KIAA1217: variants seen among roughly 807,000 people sequenced by gnomAD.
KIAA1217 encodes sickle tail protein homolog.
KIAA1217 carries 88 observed loss-of-function variants against 163.9 expected under a neutral mutation model. That is an observed-to-expected ratio of 0.54 (90% confidence interval 0.45 to 0.64). The LOEUF is 0.64. KIAA1217 is among the 30% of genes least tolerant of loss of function. The pLI is 0.00. For missense variants in KIAA1217, 2,372 were observed against 2,475.0 expected (o/e 0.96, Z 0.88); for synonymous variants, 903 against 923.1 (o/e 0.98, Z 0.39).
At chr10:24,299,407 G>A (rs1320556285) in intron 2 of KIAA1217, among the ~76,000 whole-genome samples, 2 of 152,170 alleles carry the variant, frequency 1.3e-5, no homozygotes, top group South Asian at 4.2e-4. Flanking sequence ...CCTTTGATAT[G>A]TGAGTTTTTT....
chr10:23,890,600 T>C (rs1299468562), intron 1 of KIAA1217, among the ~76,000 whole-genome samples: 1 of 151,960 alleles, frequency 6.6e-6, no homozygotes, highest in East Asian at 1.9e-4. Flanking sequence ...TTTACTATGA[T>C]AAGCTCACAT....
intron 1 of KIAA1217, among the ~76,000 whole-genome samples, chr10:23,862,834 T>C (rs572590765): frequency 1.3e-4 from 20 of 152,120 alleles, no homozygotes; most frequent in African/African-American, 4.1e-4. Flanking sequence ...TCTAACTGCT[T>C]TTCTGTTTTT....
intron 1 of KIAA1217, among the ~76,000 whole-genome samples, chr10:23,855,599 CAG>C (rs1327578499): frequency 1.3e-5 from 2 of 152,188 alleles, no homozygotes; most frequent in Non-Finnish European, 2.9e-5. Flanking sequence ...TAATATCCTG[CAG>C]AGTGTTTTCC....
chr10:24,432,971 A>G (rs1407399157), intron 3 of KIAA1217, 24 bp from the exon 4 acceptor site: 1 of 1,604,528 alleles, frequency 6.2e-7, no homozygotes, highest in East Asian at 2.2e-5. Flanking sequence ...ACCTGTGACT[A>G]ATAACTGTTT....
At chr10:24,405,257 C>T (rs915346283) in intron 3 of KIAA1217, among the ~76,000 whole-genome samples, 2 of 152,064 alleles carry the variant, frequency 1.3e-5, no homozygotes, top group African/African-American at 2.4e-5. Context: ...AGAGTGCCTG[C>T]GACCTCCCTG....
At chr10:24,189,056 A>G (rs1387810207) in intron 2 of KIAA1217, among the ~76,000 whole-genome samples, 3 of 151,036 alleles carry the variant, frequency 2.0e-5, no homozygotes, top group African/African-American at 7.3e-5. Flanking sequence ...CAGTGAGCCA[A>G]GATCACGCCA....
At chr10:23,756,750 TGTG>T (rs1833941230) in intron 1 of KIAA1217, among the ~76,000 whole-genome samples, 2 of 152,240 alleles carry the variant, frequency 1.3e-5, no homozygotes, top group Middle Eastern at 3.2e-3. Flanking sequence ...AATTATTTAT[TGTG>T]GTAAAACATG....
At position 24,473,936 on chromosome 10, in the gene KIAA1217, G is replaced by T; in HGVS notation, c.1555G>T (p.Val519Leu). Residue 519 changes from valine (V) to leucine (L), a missense_variant, in exon 6 of 21, where the codon GTG (valine) becomes TTG (leucine). Physicochemically the swap from Val to Leu is conservative, Grantham distance 32. Transcript: ENST00000376454. Reference sequence around the variant, plus strand: ...CTTTAAAAAGGAGCCAGGCACCTTGGTGTATATAGAAAAGCCACGGAGCGC... The same window carrying T: ...CTTTAAAAAGGAGCCAGGCACCTTGTTGTATATAGAAAAGCCACGGAGCGC... ...QAFKKEPGTL[V>L]YIEKPRSAAG... 6.2e-7 allele frequency: 1 copy of T among 1,614,166 alleles called. No homozygotes were observed. Among genetic ancestry groups the T allele is most frequent in the Non-Finnish European group, 8.5e-7 (1 of 1,180,032 alleles).
At chr10:24,375,646 A>T (rs1169171509) in intron 2 of KIAA1217, among the ~76,000 whole-genome samples, 4 of 152,238 alleles carry the variant, frequency 2.6e-5, no homozygotes, top group African/African-American at 9.6e-5. Flanking sequence ...TAAATTAACC[A>T]TGTCCTTTAA....
Position 24,255,002 on chromosome 10 carries a change from C to T in KIAA1217, c.354+35093C>T, listed in dbSNP as rs147530117. Among the ~76,000 whole-genome samples, 712 of 152,034 alleles carry T rather than the reference C, an allele frequency of 4.7e-3. 8 individuals are homozygous for T. Among genetic ancestry groups the T allele is most frequent in the African/African-American group, 0.017 (687 of 41,480 alleles). On this transcript the variant is annotated intron_variant, in intron 2 of 20. Transcript: ENST00000376454. ...CCAAGTAGCTGGGATTACAGGAGCCCGCCACCATGCCCAGCTAATTTTTGT... is the reference window on the plus strand; with the variant it reads ...CCAAGTAGCTGGGATTACAGGAGCCTGCCACCATGCCCAGCTAATTTTTGT...
upstream of KIAA1217, among the ~76,000 whole-genome samples, chr10:24,208,064 T>A (rs538938679): frequency 5.9e-5 from 9 of 152,116 alleles, no homozygotes; most frequent in African/African-American, 1.9e-4. Context: ...GCTACTGTGT[T>A]ACTCTGAGAT....
chr10:24,220,352 A>G (rs902688901), intron 2 of KIAA1217, among the ~76,000 whole-genome samples: 5 of 151,896 alleles, frequency 3.3e-5, no homozygotes, highest in African/African-American at 1.2e-4. Flanking sequence ...AAATACATAA[A>G]TGTATTTTCA....
chr10:24,502,397 C>G (rs1229779903), intron 9 of KIAA1217, among the ~76,000 whole-genome samples: 1 of 152,088 alleles, frequency 6.6e-6, no homozygotes, highest in African/African-American at 2.4e-5. Context: ...TGTGATCCAT[C>G]CGTTCCTTGC....
At chr10:23,905,906 A>G (rs1254476357) in intron 1 of KIAA1217, among the ~76,000 whole-genome samples, 5 of 152,160 alleles carry the variant, frequency 3.3e-5, no homozygotes, top group Non-Finnish European at 7.4e-5. Context: ...AGCCTGAGAC[A>G]AGGTAATTTA....
rs554046309 is a variant in KIAA1217 at position 24,012,020 on chromosome 10, A to G, written c.-171+4646A>G. On this transcript the variant is annotated intron_variant, in intron 2 of 18. Transcript: ENST00000376462. ...TTTGACCAAGGAAAAATAAAAGGAA[A>G]GAAAGAAACATTTCTACATTTAACA... is the stretch of plus-strand genomic sequence containing the variant. Among the ~76,000 whole-genome samples the G allele has an allele frequency of 5.4e-4, 82 of 152,150 alleles. No homozygotes were observed. The Middle Eastern group carries it at 0.02, about 38-fold the overall frequency.
chr10:24,274,602 G>A (rs893561441), intron 2 of KIAA1217, among the ~76,000 whole-genome samples: 1 of 151,974 alleles, frequency 6.6e-6, no homozygotes. Context: ...CTATAAACTT[G>A]CCCTAAATAC....
chr10:24,524,578 G>A lies in KIAA1217; in HGVS notation c.2712G>A (p.Leu904=). The A allele has an allele frequency of 2.5e-6, 4 of 1,614,010 alleles. No individual in the cohort carries two copies. The highest frequency in any genetic ancestry group is 3.4e-6 in the Non-Finnish European group (4 of 1,180,020). Residue 904 remains leucine, a synonymous_variant, in exon 13 of 21, where the codon CTG becomes CTA. Transcript: ENST00000376454. ...CCTCCCAGCACTCCGTGGCCCTGCT[G>A]AACCCTGCTCAGAACTTGCCTCACG... is the stretch of plus-strand genomic sequence containing the variant. The part of the protein sequence containing the change: ...IQPSQHSVAL[L]NPAQNLPHVA...
rs1456304561 is a variant in KIAA1217 at position 23,934,603 on chromosome 10, ATATG to A, written c.-320-72618_-320-72615del. Among the ~76,000 whole-genome samples, 160 of 77,644 alleles carry A rather than the reference ATATG, an allele frequency of 2.1e-3. 1 individual carries two copies. Among genetic ancestry groups the A allele is most frequent in the African/African-American group, 3.1e-3 (23 of 7,454 alleles). The allele number at this position is 77,644 out of a possible 152,430, so 50.9% of individuals were successfully genotyped here. A position where few individuals can be genotyped will look rare whatever the true frequency, so the allele number is the denominator to read the frequency against. ...TATATATATATATGTATATATATAT[ATATG>A]TATATATATATATATATATTTTTTT... On this transcript the variant is annotated intron_variant, in intron 1 of 18. Coordinates refer to the KIAA1217 transcript ENST00000376462.
intron 1 of KIAA1217, among the ~76,000 whole-genome samples, chr10:23,929,039 G>A (rs1843144037): frequency 6.6e-6 from 1 of 152,228 alleles, no homozygotes; most frequent in Non-Finnish European, 1.5e-5. Flanking sequence ...GAAGATCAGT[G>A]TGCCAGGCAA....
Sources: gnomAD v4.1 joint callset for allele counts (sites outside exome capture counted in the v4.1 genomes callset) on GRCh38, gnomAD v4.1.1 for gene constraint, MANE v1.5 for transcripts, NCBI Gene and HGNC (gene_info 2026-07-23, HGNC 2026-07-21) for gene names.